Variants in BMP7 observed in about 807,000 individuals in gnomAD.
The protein encoded by BMP7 is osteogenic protein 1.
BMP7 carries 12 observed loss-of-function variants against 41.2 expected under a neutral mutation model. That is an observed-to-expected ratio of 0.29 (90% CI 0.19 to 0.47). The LOEUF (loss-of-function observed/expected upper bound fraction) is 0.47. Ranked by LOEUF, BMP7 falls within the 20% of genes least tolerant of loss-of-function variation. The pLI, the probability that BMP7 is intolerant of heterozygous loss-of-function variation, is 0.99. For synonymous variants in BMP7, 248 were observed against 250.0 expected, an observed-to-expected ratio of 0.99 and a Z score of 0.07; for missense variants, 467 against 606.0, an observed-to-expected ratio of 0.77 and a Z score of 2.41.
intron 1 of BMP7, among the ~76,000 whole-genome samples, chr20:57,232,438 GA>G (rs2066032865): frequency 6.6e-6 from 1 of 152,082 alleles, no homozygotes; most frequent in East Asian, 1.9e-4. Context: ...GCAATAGACC[GA>G]ACAATAAAGA....
At chr20:57,175,028 A>G in intron 4 of BMP7, 21 bp from the exon 5 acceptor site, 1 of 1,605,880 alleles carries the variant, frequency 6.2e-7, no homozygotes, top group South Asian at 1.1e-5. Context: ...AAGGAAGTGA[A>G]GAAGCAGAGC....
At chr20:57,185,890 A>C (rs1229735404) in intron 3 of BMP7, among the ~76,000 whole-genome samples, 1 of 151,914 alleles carries the variant, frequency 6.6e-6, no homozygotes, top group Non-Finnish European at 1.5e-5. Context: ...ATGCTAGCTC[A>C]GGGCAGAGCT....
Position 57,171,200 on chromosome 20 carries a change from G to T in BMP7, c.1147-92C>A, listed in dbSNP as rs1983809523. 10 of 1,564,328 alleles carry T rather than the reference G, an allele frequency of 6.4e-6. No individual in the cohort carries two copies. Among genetic ancestry groups the T allele is most frequent in the Non-Finnish European group, 8.8e-6 (10 of 1,141,574 alleles). ...TTCTATAAAGAAACATCCTGTCTGG[G>T]CATAATGAATGACTGCAGGTGACAC... is the stretch of plus-strand genomic sequence containing the variant. On this transcript the variant is annotated intron_variant, in intron 6 of 6. Coordinates refer to ENST00000395863, the MANE Select transcript of BMP7 (RefSeq NM_001719.3). The surrounding 1 kb of genome is among the most constrained non-coding windows in gnomAD (Gnocchi z 4.5).
chr20:57,188,703 A>G lies in BMP7; in HGVS notation c.761-4784T>C, dbSNP rs200003753. ...TTAGAGGGACAGTTTGTATAAATAA[A>G]CAGTAAGGATGCCTACCGCAGTGTC... is the stretch of plus-strand genomic sequence containing the variant. On this transcript the variant is annotated intron_variant, in intron 3 of 6. Coordinates refer to ENST00000395863, the MANE Select transcript of BMP7 (RefSeq NM_001719.3). 6.6e-5 allele frequency among the ~76,000 whole-genome samples: 10 copies of G among 152,270 alleles called. No individual in the cohort carries two copies. The East Asian group carries it at 1.7e-3, about 27-fold the overall frequency.
chr20:57,255,820 A>AAAAAG (rs2066131939), intron 1 of BMP7, among the ~76,000 whole-genome samples: 1 of 151,110 alleles, frequency 6.6e-6, no homozygotes, highest in African/African-American at 2.4e-5. Flanking sequence ...AAAAAAAAAA[A>AAAAAG]AAAAGAAAGA....
At chr20:57,251,197 G>A (rs1364911497) in intron 1 of BMP7, among the ~76,000 whole-genome samples, 2 of 152,302 alleles carry the variant, frequency 1.3e-5, no homozygotes, top group East Asian at 3.9e-4. Context: ...CCCTCTTCCT[G>A]TCTCCCCACA....
intron 3 of BMP7, among the ~76,000 whole-genome samples, chr20:57,201,052 C>T (rs1032752817): frequency 6.6e-6 from 1 of 152,328 alleles, no homozygotes; most frequent in African/African-American, 2.4e-5. Flanking sequence ...ACTCAAAGCA[C>T]GGTCCAGGGA....
chr20:57,179,501 G>A lies in BMP7; in HGVS notation c.958+4221C>T, dbSNP rs993678864. Among the ~76,000 whole-genome samples, 3 of 152,228 alleles carry A rather than the reference G, an allele frequency of 2.0e-5. No individual in the cohort carries two copies. In the East Asian group the frequency reaches 5.8e-4, roughly 29 times the overall value. On this transcript the variant is annotated intron_variant, in intron 4 of 6. Coordinates refer to ENST00000395863, the MANE Select transcript of BMP7 (RefSeq NM_001719.3). ...GGACCCAGTTTCTCAACCCCAAACC[G>A]CACCATCTGAAGAGCACGTGAAGCC... is the stretch of plus-strand genomic sequence containing the variant.
At chr20:57,247,128 C>T (rs2066093577) in intron 1 of BMP7, among the ~76,000 whole-genome samples, 1 of 152,204 alleles carries the variant, frequency 6.6e-6, no homozygotes, top group Non-Finnish European at 1.5e-5. Flanking sequence ...AGCCCAGGCA[C>T]AAAGGGCCAG....
chr20:57,260,136 C>T (rs2066148188), intron 1 of BMP7, among the ~76,000 whole-genome samples: 1 of 152,298 alleles, frequency 6.6e-6, no homozygotes, highest in East Asian at 1.9e-4. Flanking sequence ...GTGCCTTGAG[C>T]TGCCCAGTAC....
chr20:57,246,547 G>C (rs779314476), intron 1 of BMP7, among the ~76,000 whole-genome samples: 3 of 152,210 alleles, frequency 2.0e-5, no homozygotes, highest in Non-Finnish European at 4.4e-5. Flanking sequence ...TCCAGGAACT[G>C]GATCTCCAAA....
At chr20:57,209,253 A>ATATATT (rs985019296) in intron 2 of BMP7, among the ~76,000 whole-genome samples, 2 of 97,774 alleles carry the variant, frequency 2.0e-5, no homozygotes, top group African/African-American at 2.2e-4. Flanking sequence ...ATATTTTTAT[A>ATATATT]TATATATATA....
At chr20:57,195,698 G>C (rs1984476254) in intron 3 of BMP7, among the ~76,000 whole-genome samples, 1 of 152,266 alleles carries the variant, frequency 6.6e-6, no homozygotes, top group African/African-American at 2.4e-5. Flanking sequence ...AGCTGCCACA[G>C]CTGAGTGTCA....
chr20:57,193,205 C>G (rs754145818), intron 3 of BMP7, among the ~76,000 whole-genome samples: 5 of 152,224 alleles, frequency 3.3e-5, no homozygotes, highest in African/African-American at 1.2e-4. Context: ...CAGCTTCAAT[C>G]GGGATACAGA....
intron 1 of BMP7, among the ~76,000 whole-genome samples, chr20:57,234,099 C>T (rs774911048): frequency 6.6e-6 from 1 of 152,232 alleles, no homozygotes; most frequent in South Asian, 2.1e-4. Flanking sequence ...TCCCATCCCT[C>T]GTGTATCTGT....
chr20:57,216,563 CTGAGGGTGAGGGGCTGTCTCT>C (rs1568718212), intron 2 of BMP7, among the ~76,000 whole-genome samples: 52 of 147,354 alleles, frequency 3.5e-4, no homozygotes, highest in Non-Finnish European at 6.3e-4. Context: ...GGGCTGTCTC[CTGAGGGTGAGGGGCTGTCTCT>C]TGAGGGCGAG....
At position 57,215,873 on chromosome 20, in the gene BMP7, G is replaced by A. The variant is rs182360249; in HGVS notation, c.611+12356C>T. On this transcript the variant is annotated intron_variant, in intron 2 of 6. Coordinates refer to ENST00000395863, the MANE Select transcript of BMP7 (RefSeq NM_001719.3). This position sits in a 1 kb window ranked among gnomAD's most constrained non-coding sequence, Gnocchi z 4.2. Reference sequence around the variant, plus strand: ...AACAAGCACCACAAATACAGTCTTCGGGCTGGGTCATCTTTCCAACCTCAT... The same window carrying A: ...AACAAGCACCACAAATACAGTCTTCAGGCTGGGTCATCTTTCCAACCTCAT... 6.6e-6 allele frequency: 1 copy of A among 150,770 alleles called. No homozygotes were observed. The highest frequency in any genetic ancestry group is 2.4e-5 in the African/African-American group (1 of 41,124). 9.3% of individuals were successfully genotyped at this position (150,770 alleles called of 1,614,324 possible).
chr20:57,248,821 CAG>C (rs2066100313), intron 1 of BMP7, among the ~76,000 whole-genome samples: 2 of 151,610 alleles, frequency 1.3e-5, no homozygotes, highest in East Asian at 3.9e-4. Context: ...TTTTTTGAGA[CAG>C]AGTCTCACTC....
chr20:57,249,372 T>A (rs180720557), intron 1 of BMP7, among the ~76,000 whole-genome samples: 1 of 152,200 alleles, frequency 6.6e-6, no homozygotes, highest in Non-Finnish European at 1.5e-5. Flanking sequence ...GAAGCAGTGA[T>A]CTGCTGCAAC....
Sources: gnomAD v4.1 joint callset for allele counts (sites outside exome capture counted in the v4.1 genomes callset) on GRCh38, gnomAD v4.1.1 for gene constraint, Gnocchi (gnomAD v3.1) non-coding constraint, MANE v1.5 for transcripts, NCBI Gene and HGNC (gene_info 2026-07-23, HGNC 2026-07-21) for gene names.